SMURF2: variants seen among roughly 807,000 people sequenced by gnomAD.
SMURF2 encodes the protein SMAD specific E3 ubiquitin protein ligase 2.
SMURF2 carries 48 observed loss-of-function variants against 109.6 expected under a neutral mutation model. That is an observed-to-expected ratio of 0.44 (90% CI 0.35 to 0.56). The LOEUF (loss-of-function observed/expected upper bound fraction) is 0.56. Among genes scored for constraint, SMURF2 ranks in the 20% least tolerant of loss-of-function variants. The pLI is 0.01. For missense variants in SMURF2, 575 were observed against 909.0 expected, an observed-to-expected ratio of 0.63 and a Z score of 4.72; for synonymous variants, 288 against 317.1, an observed-to-expected ratio of 0.91 and a Z score of 0.97.
chr17:64,624,278 C>CT (rs1555690956), intron 1 of SMURF2, among the ~76,000 whole-genome samples: 1 of 152,048 alleles, frequency 6.6e-6, no homozygotes, highest in East Asian at 1.9e-4. Flanking sequence ...GGGAGGACTG[C>CT]TTGAGCCCAG....
intron 10 of SMURF2, among the ~76,000 whole-genome samples, chr17:64,567,853 C>CT (rs1173742917): frequency 0.16 from 17,996 of 112,092 alleles, 3,232 homozygotes; most frequent in African/African-American, 0.38. Flanking sequence ...CCACACCTGG[C>CT]TTTTTTTTTT....
In SMURF2 at chr17:64,554,812, G is replaced by C. The variant is rs201075868; in HGVS notation, c.1748+44C>G. On this transcript the variant is annotated intron_variant, in intron 15 of 18. Transcript: ENST00000262435. ...TAAGTTTGTTCATACTAACATTCTAGAACATTTTAAAAAATTCAGCCTTGA... is the reference window on the plus strand; with the variant it reads ...TAAGTTTGTTCATACTAACATTCTACAACATTTTAAAAAATTCAGCCTTGA... 2.4e-4 allele frequency: 378 copies of C among 1,582,918 alleles called. No homozygotes were observed. In the African/African-American group the frequency reaches 4.3e-3, roughly 18 times the overall value.
chr17:64,592,358 T>A (rs1238461655), intron 4 of SMURF2, among the ~76,000 whole-genome samples: 1 of 152,208 alleles, frequency 6.6e-6, no homozygotes, highest in East Asian at 1.9e-4. Context: ...CCAATCCCAG[T>A]GTCTTTTCTC....
intron 1 of SMURF2, among the ~76,000 whole-genome samples, chr17:64,636,233 A>G (rs1970414521): frequency 6.6e-6 from 1 of 152,144 alleles, no homozygotes; most frequent in African/African-American, 2.4e-5. Context: ...AGCTGAGACT[A>G]TAGGCATGTG....
chr17:64,551,704 C>T lies in SMURF2; in HGVS notation c.1749G>A (p.Arg583=). The T allele has an allele frequency of 6.2e-7, 1 of 1,613,606 alleles. No individual in the cohort carries two copies. The highest frequency in any genetic ancestry group is 1.1e-5 in the South Asian group (1 of 90,972). ...VNEENKKEYV[R]LYVNWRFLRG... ...GTAAAAATCTCCAGTTCACATAGAGCCTGTAAACATTCGGCAGGATTTCGT... is the reference window on the plus strand; with the variant it reads ...GTAAAAATCTCCAGTTCACATAGAGTCTGTAAACATTCGGCAGGATTTCGT... The change falls in exon 16 of 19, where the codon AGG becomes AGA. Residue 583 remains arginine, a splice_region_variant and synonymous_variant. Coordinates refer to ENST00000262435, the MANE Select transcript of SMURF2 (RefSeq NM_022739.4).
At chr17:64,650,517 C>T (rs1468313134) in intron 1 of SMURF2, among the ~76,000 whole-genome samples, 2 of 152,144 alleles carry the variant, frequency 1.3e-5, no homozygotes, top group Admixed American at 1.3e-4. Context: ...ATTCTATACT[C>T]TCCACAACAT....
chr17:64,601,940 T>TAC (rs1231064677), intron 2 of SMURF2, among the ~76,000 whole-genome samples: 4 of 147,972 alleles, frequency 2.7e-5, no homozygotes, highest in Middle Eastern at 3.6e-3. Context: ...TATATATATA[T>TAC]ACACACCTAC....
chr17:64,549,826 T>C (rs931389955), intron 16 of SMURF2, among the ~76,000 whole-genome samples: 1 of 152,164 alleles, frequency 6.6e-6, no homozygotes, highest in Non-Finnish European at 1.5e-5. Context: ...AGAAACTATA[T>C]TAAAAATCCT....
chr17:64,655,251 TC>T (rs1268756659), intron 1 of SMURF2, among the ~76,000 whole-genome samples: 26 of 136,764 alleles, frequency 1.9e-4, no homozygotes, highest in Admixed American at 1.5e-4. Flanking sequence ...CAATGAAATG[TC>T]TTTTTTTTTT....
intron 1 of SMURF2, among the ~76,000 whole-genome samples, chr17:64,626,685 C>T (rs1970272967): frequency 6.6e-6 from 1 of 152,030 alleles, no homozygotes; most frequent in Non-Finnish European, 1.5e-5. Context: ...ATCGCTTGAA[C>T]CTAAGAGGCA....
intron 9 of SMURF2, among the ~76,000 whole-genome samples, chr17:64,574,485 A>G (rs1313468645): frequency 6.6e-6 from 1 of 152,244 alleles, no homozygotes; most frequent in Non-Finnish European, 1.5e-5. Flanking sequence ...ATATCTTTAA[A>G]TAAAGTTTGT....
intron 1 of SMURF2, among the ~76,000 whole-genome samples, chr17:64,608,754 T>C (rs1296120772): frequency 6.6e-6 from 1 of 152,130 alleles, no homozygotes; most frequent in Non-Finnish European, 1.5e-5. Context: ...CCACTGACAA[T>C]GTCTACTGTC....
intron 6 of SMURF2, among the ~76,000 whole-genome samples, chr17:64,585,139 T>A (rs1555686970): frequency 6.6e-6 from 1 of 152,214 alleles, no homozygotes; most frequent in African/African-American, 2.4e-5. Flanking sequence ...TTATTACATG[T>A]AAGTTATATC....
chr17:64,546,342 C>A lies in SMURF2; in HGVS notation c.2072-4G>T. 6.2e-6 allele frequency: 10 copies of A among 1,613,522 alleles called. No individual in the cohort carries two copies. Among genetic ancestry groups the A allele is most frequent in the Non-Finnish European group, 8.5e-6 (10 of 1,179,722 alleles). ...AAGAGTCTCGGGCCTGCAGCACCTGCAAATGAAGGAAATGTGGATGAAATC... is the reference window on the plus strand; with the variant it reads ...AAGAGTCTCGGGCCTGCAGCACCTGAAAATGAAGGAAATGTGGATGAAATC... On this transcript the variant is annotated splice_polypyrimidine_tract_variant and splice_region_variant and intron_variant, in intron 17 of 18. Coordinates refer to ENST00000262435, the MANE Select transcript of SMURF2 (RefSeq NM_022739.4).
In SMURF2 at chr17:64,586,121, G is replaced by C. The variant is rs1555687046; in HGVS notation, c.450C>G (p.Asp150Glu). 6.8e-6 allele frequency: 11 copies of C among 1,610,792 alleles called. No individual in the cohort carries two copies. The East Asian group carries it at 8.9e-5, about 13-fold the overall frequency. ...AATCGTTATCAAATAAACGACTGCA[G>C]TCCACAACTTGTCCTCCTGTGCCTA... ...DRIGTGGQVV[D>E]CSRLFDNDLP... is the part of the protein sequence containing the mutation. The change falls in exon 6 of 19, where the codon GAC becomes GAG. Residue 150 changes from aspartate (D) to glutamate (E), a missense_variant. Around this residue, in one of 5 missense-constraint regions of SMURF2, gnomAD observed 151 missense variants for 178.4 expected, o/e 0.85. Transcript: ENST00000262435.
At chr17:64,624,122 A>G (rs552467167) in intron 1 of SMURF2, among the ~76,000 whole-genome samples, 26 of 152,256 alleles carry the variant, frequency 1.7e-4, no homozygotes, top group African/African-American at 6.0e-4. Context: ...CAAATGACAC[A>G]CTACTGACTA....
In SMURF2 at chr17:64,551,717, G is replaced by C. The variant is rs781808001; in HGVS notation, c.1749-13C>G. The C allele has an allele frequency of 1.9e-6, 3 of 1,612,716 alleles. No individual in the cohort carries two copies. Among genetic ancestry groups the C allele is most frequent in the South Asian group, 2.2e-5 (2 of 90,816 alleles). ...GTTCACATAGAGCCTGTAAACATTC[G>C]GCAGGATTTCGTATAATCACATGTA... On this transcript the variant is annotated splice_polypyrimidine_tract_variant and intron_variant, in intron 15 of 18. Transcript: ENST00000262435.
At chr17:64,642,815 GA>G (rs1463206554) in intron 1 of SMURF2, among the ~76,000 whole-genome samples, 2 of 151,570 alleles carry the variant, frequency 1.3e-5, no homozygotes, top group East Asian at 3.9e-4. Flanking sequence ...TATTTTTTGA[GA>G]CAGGGTCTTC....
At chr17:64,630,207 G>T (rs995101056) in intron 1 of SMURF2, among the ~76,000 whole-genome samples, 4 of 151,954 alleles carry the variant, frequency 2.6e-5, no homozygotes, top group Non-Finnish European at 5.9e-5. Context: ...CTGTACTCCA[G>T]CCTGGGCAAC....
Sources: gnomAD v4.1 joint callset for allele counts (sites outside exome capture counted in the v4.1 genomes callset) on GRCh38, gnomAD v4.1.1 for gene constraint, gnomAD v4.1.1 regional missense constraint, MANE v1.5 for transcripts, NCBI Gene and HGNC (gene_info 2026-07-23, HGNC 2026-07-21) for gene names.